Variants in WWP1 observed in about 807,000 individuals in gnomAD.
WWP1 encodes the protein WW domain containing E3 ubiquitin protein ligase 1.
In WWP1, 49 loss-of-function variants were observed where a neutral mutation model predicts 130.6. That is an observed-to-expected ratio of 0.38 (90% CI 0.30 to 0.48). The LOEUF (loss-of-function observed/expected upper bound fraction) is 0.48. WWP1 is among the 20% of genes least tolerant of loss of function. The pLI is 0.99. For synonymous variants in WWP1, 332 were observed against 367.8 expected (o/e 0.90, Z 1.11); for missense variants, 809 against 1,100.6 (o/e 0.74, Z 3.75).
intron 3 of WWP1, among the ~76,000 whole-genome samples, chr8:86,377,359 G>C (rs1824720793): frequency 6.6e-6 from 1 of 151,584 alleles, no homozygotes. Context: ...CGGCCTCCCA[G>C]AGTGCTGGGA....
At chr8:86,389,789 G>GC (rs1164201083) in intron 5 of WWP1, among the ~76,000 whole-genome samples, 3 of 137,284 alleles carry the variant, frequency 2.2e-5, no homozygotes, top group South Asian at 2.7e-4. Context: ...GGCGGAGGCC[G>GC]CCCCCCACCT....
intron 1 of WWP1, among the ~76,000 whole-genome samples, chr8:86,362,907 T>G (rs915239936): frequency 6.6e-6 from 1 of 152,242 alleles, no homozygotes; most frequent in African/African-American, 2.4e-5. Context: ...ATCTGCATTT[T>G]TCTATAAATG....
intron 5 of WWP1, among the ~76,000 whole-genome samples, chr8:86,385,443 C>T (rs980029303): frequency 1.3e-5 from 2 of 151,696 alleles, no homozygotes; most frequent in South Asian, 2.1e-4. Flanking sequence ...AGGAAGAACC[C>T]GGGATCTAGC....
intron 5 of WWP1, among the ~76,000 whole-genome samples, chr8:86,390,669 C>T (rs1003575891): frequency 2.1e-5 from 3 of 145,030 alleles, no homozygotes; most frequent in African/African-American, 7.7e-5. Context: ...GGCTCAGCAT[C>T]AGAGGGAGAC....
At chr8:86,381,892 T>C (rs925213836) in intron 5 of WWP1, among the ~76,000 whole-genome samples, 1 of 152,218 alleles carries the variant, frequency 6.6e-6, no homozygotes, top group African/African-American at 2.4e-5. Context: ...ATTTGCTTAT[T>C]ATTATATTCT....
intron 1 of WWP1, among the ~76,000 whole-genome samples, chr8:86,368,647 A>T (rs1439985236): frequency 6.6e-6 from 1 of 152,142 alleles, no homozygotes; most frequent in African/African-American, 2.4e-5. Context: ...ATTCCATAGG[A>T]TCCTATGCAG....
In WWP1 at chr8:86,368,982, G is replaced by A. The variant is rs963272395; in HGVS notation, c.-71G>A. On this transcript the variant is annotated 5_prime_UTR_variant, in exon 2 of 25. The change creates a new upstream start codon in the 5' untranslated region. Transcript: ENST00000517970. ...TATGAGCTCCTTGAAAGAGGGAATC[G>A]TGTCTTACTCATCTTTGTATCCCCA... is the stretch of plus-strand genomic sequence containing the variant. The A allele has an allele frequency of 4.6e-5, 7 of 152,196 alleles. No individual in the cohort carries two copies. Among genetic ancestry groups the A allele is most frequent in the South Asian group, 2.1e-4 (1 of 4,834 alleles). The allele number at this position is 152,196 out of a possible 1,614,324, so 9.4% of individuals were successfully genotyped here. A position where few individuals can be genotyped will look rare whatever the true frequency, so the allele number is the denominator to read the frequency against.
At chr8:86,442,889 G>C in intron 18 of WWP1, 111 bp downstream of exon 18, 2 of 1,192,678 alleles carry the variant, frequency 1.7e-6, no homozygotes, top group Admixed American at 3.0e-5. Flanking sequence ...CACAAGTTTT[G>C]TTACCAAGAA....
chr8:86,362,029 T>C (rs909157684), intron 1 of WWP1, among the ~76,000 whole-genome samples: 3 of 132,358 alleles, frequency 2.3e-5, no homozygotes, highest in East Asian at 2.1e-4. Flanking sequence ...CACATATATA[T>C]ACACACACAT....
At chr8:86,430,797 CCATATATATATATATA>C (rs778789058) in intron 12 of WWP1, 46 bp downstream of exon 12, 14 of 740,698 alleles carry the variant, frequency 1.9e-5, no homozygotes, top group South Asian at 8.9e-5. Flanking sequence ...ATATATCTCT[CCATATATATATATATA>C]TATATATATA....
At chr8:86,400,081 A>G (rs1448598155) in intron 7 of WWP1, among the ~76,000 whole-genome samples, 1 of 152,170 alleles carries the variant, frequency 6.6e-6, no homozygotes, top group Non-Finnish European at 1.5e-5. Flanking sequence ...CTGTAATCCC[A>G]GTACTTTGGG....
In WWP1 at chr8:86,380,815, G is replaced by A. The variant is rs764215672; in HGVS notation, c.160G>A (p.Ala54Thr). The A allele has an allele frequency of 5.6e-6, 9 of 1,613,196 alleles. No individual in the cohort carries two copies. The South Asian group carries it at 8.8e-5, about 16-fold the overall frequency. The stretch of plus-strand genomic sequence containing the variant: ...TGTAGATGGAGAAATTACGAAAACA[G>A]CAAAATCCAGTAGTTCTTCTAATCC... ...VVVDGEITKT[A>T]KSSSSSNPKW... The change falls in exon 4 of 25, where the codon GCA becomes ACA. Residue 54 changes from alanine (A) to threonine (T), a missense_variant. Ala to Thr is a moderately conservative substitution (Grantham distance 58). Coordinates refer to ENST00000517970, the MANE Select transcript of WWP1 (RefSeq NM_007013.4).
intron 1 of WWP1, among the ~76,000 whole-genome samples, chr8:86,360,840 G>A (rs1823552212): frequency 1.3e-5 from 2 of 152,190 alleles, no homozygotes; most frequent in Admixed American, 6.5e-5. Context: ...GCTAGAGTTG[G>A]CCTATGGTGA....
chr8:86,359,826 G>A (rs1027813653), intron 1 of WWP1, among the ~76,000 whole-genome samples: 5 of 152,012 alleles, frequency 3.3e-5, no homozygotes, highest in Non-Finnish European at 5.9e-5. Context: ...GAGGCGGGCG[G>A]ATCACGAGGT....
chr8:86,427,934 G>A, intron 11 of WWP1, 117 bp downstream of exon 11: 3 of 911,442 alleles, frequency 3.3e-6, no homozygotes, highest in Admixed American at 3.4e-5. Flanking sequence ...TTTCAGAAAT[G>A]GTATAGACTG....
At chr8:86,440,714 T>G in intron 17 of WWP1, 1 of 455,730 alleles carries the variant, frequency 2.2e-6, no homozygotes, top group South Asian at 1.6e-5. Flanking sequence ...TCCATTTTTC[T>G]TCAGGAACAT....
chr8:86,448,172 G>T lies in WWP1; in HGVS notation c.2023G>T (p.Asp675Tyr). Residue 675 changes from aspartate to tyrosine, a missense_variant, in exon 19 of 25, where the codon GAT becomes TAT. Asp to Tyr is a radical substitution (Grantham distance 160, BLOSUM62 -3). Coordinates refer to ENST00000517970, the MANE Select transcript of WWP1 (RefSeq NM_007013.4). ...AMALFHGKFI[D>Y]TGFSLPFYKR... ...GGCACTATTTCATGGAAAGTTTATC[G>T]ATACTGGTTTCTCTTTACCATTCTA... 2 of 1,553,116 alleles carry T rather than the reference G, an allele frequency of 1.3e-6. No individual in the cohort carries two copies. The highest frequency in any genetic ancestry group is 2.4e-5 in the Admixed American group (1 of 41,736).
At chr8:86,429,859 T>C (rs972938170) in intron 11 of WWP1, among the ~76,000 whole-genome samples, 14 of 152,206 alleles carry the variant, frequency 9.2e-5, no homozygotes, top group Non-Finnish European at 2.9e-5. Context: ...GAAAAACTAA[T>C]AATTAATTTG....
At position 86,468,044 on chromosome 8, in the gene WWP1, A is replaced by G. The variant is rs1812268069; in HGVS notation, c.*1151A>G. The stretch of plus-strand genomic sequence containing the variant: ...ATCATAGGGGCCTTTGCTGAACTAC[A>G]AAAATGTGTAACAAATTAAAATCTG... On this transcript the variant is annotated 3_prime_UTR_variant, in exon 25 of 25. Transcript: ENST00000517970. 6.3e-6 allele frequency: 1 copy of G among 158,688 alleles called. No individual in the cohort carries two copies. Among genetic ancestry groups the G allele is most frequent in the Non-Finnish European group, 1.4e-5 (1 of 72,384 alleles). The allele number at this position is 158,688 out of a possible 1,614,324, so 9.8% of individuals were successfully genotyped here. A position where few individuals can be genotyped will look rare whatever the true frequency, so the allele number is the denominator to read the frequency against.
Sources: allele counts gnomAD v4.1 joint callset (sites outside exome capture counted in the v4.1 genomes callset), GRCh38; gene constraint gnomAD v4.1.1; transcripts MANE v1.5; gene names NCBI Gene and HGNC (gene_info 2026-07-23, HGNC 2026-07-21).